Variants in NADK2 observed in about 807,000 individuals in gnomAD.
NADK2 encodes NAD kinase domain-containing protein 1, mitochondrial.
NADK2 carries 35 observed loss-of-function variants against 62.1 expected under a neutral mutation model. The observed-to-expected ratio is 0.56, with a 90% CI of 0.43 to 0.75. The LOEUF is 0.75. Among genes scored for constraint, NADK2 ranks in the 30% least tolerant of loss-of-function variants. The probability of loss-of-function intolerance (pLI) is 0.00; values close to 1 mark genes in which losing one functional copy is unlikely to be tolerated. For missense variants in NADK2, 439 were observed against 561.3 expected (o/e 0.78, Z 2.20); for synonymous variants, 205 against 207.9 (o/e 0.99, Z 0.12).
intron 11 of NADK2, among the ~76,000 whole-genome samples, chr5:36,196,418 G>A (rs532828527): frequency 6.6e-6 from 1 of 152,230 alleles, no homozygotes; most frequent in African/African-American, 2.4e-5. Context: ...TATTAGCCAT[G>A]TGAATATCAC....
At chr5:36,214,330 G>A (rs1380609139) in intron 6 of NADK2, among the ~76,000 whole-genome samples, 8 of 152,000 alleles carry the variant, frequency 5.3e-5, no homozygotes, top group South Asian at 2.1e-4. Context: ...ACAGGCATGC[G>A]CCACCACGCC....
In NADK2 at chr5:36,241,805, C is replaced by T; in HGVS notation, c.-7G>A. On this transcript the variant is annotated 5_prime_UTR_variant, in exon 1 of 12. Coordinates refer to ENST00000381937, the MANE Select transcript of NADK2 (RefSeq NM_001085411.3). The surrounding 1 kb of genome is among the most constrained non-coding windows in gnomAD (Gnocchi z 4.9). ...AGCCTCGGTAGCAAGTCATCGTGGG[C>T]CGGGCCGCGGCCGCGGGCTTGGGCT... is the stretch of plus-strand genomic sequence containing the variant. The T allele has an allele frequency of 3.0e-6, 4 of 1,315,816 alleles. No individual in the cohort carries two copies. The highest frequency in any genetic ancestry group is 3.9e-6 in the Non-Finnish European group (4 of 1,032,972). 81.5% of individuals were successfully genotyped at this position (1,315,816 alleles called of 1,614,324 possible). A position where few individuals can be genotyped will look rare whatever the true frequency, so the allele number is the denominator to read the frequency against.
rs191548215 is a variant in NADK2 at position 36,218,053 on chromosome 5, G to C, written c.645-169C>G. 1.4e-3 allele frequency: 761 copies of C among 555,338 alleles called. 6 individuals carry two copies. Among genetic ancestry groups the C allele is most frequent in the African/African-American group, 0.013 (690 of 53,504 alleles). The allele number at this position is 555,338 out of a possible 1,614,324, so 34.4% of individuals were successfully genotyped here. A position where few individuals can be genotyped will look rare whatever the true frequency, so the allele number is the denominator to read the frequency against. Reference sequence around the variant, plus strand: ...GCCTATAGCTTCCTTATCAATGACAGATTTGAATATTTATTCTCTTTTCAA... The same window carrying C: ...GCCTATAGCTTCCTTATCAATGACACATTTGAATATTTATTCTCTTTTCAA... On this transcript the variant is annotated intron_variant, in intron 5 of 11. Transcript: ENST00000381937.
intron 4 of NADK2, among the ~76,000 whole-genome samples, chr5:36,220,855 C>T (rs1561068286): frequency 6.6e-6 from 1 of 152,140 alleles, no homozygotes; most frequent in African/African-American, 2.4e-5. Context: ...TGGTGCTGGC[C>T]ATTGGCAGGA....
At chr5:36,204,395 T>G (rs1309651928) in intron 8 of NADK2, among the ~76,000 whole-genome samples, 1 of 152,148 alleles carries the variant, frequency 6.6e-6, no homozygotes, top group African/African-American at 2.4e-5. Flanking sequence ...ATTATACCAC[T>G]TTGCCTATTT....
chr5:36,238,643 G>A (rs1747995681), intron 1 of NADK2, among the ~76,000 whole-genome samples: 1 of 152,110 alleles, frequency 6.6e-6, no homozygotes, highest in Non-Finnish European at 1.5e-5. Flanking sequence ...AATAGCAATT[G>A]CACATTTGCC....
intron 7 of NADK2, 114 bp from the exon 8 acceptor site, chr5:36,207,379 G>A (rs1331406069): frequency 1.5e-6 from 1 of 679,426 alleles, no homozygotes; most frequent in East Asian, 2.6e-5. Flanking sequence ...AGAAATACTT[G>A]ACTTAGTAGG....
chr5:36,227,704 A>G, intron 1 of NADK2, 139 bp from the exon 2 acceptor site: 1 of 412,716 alleles, frequency 2.4e-6, no homozygotes, highest in South Asian at 9.9e-5. Context: ...ACCTACAAGT[A>G]CAAATTGAAC....
chr5:36,221,802 A>G (rs1328578216), intron 4 of NADK2: 1 of 152,248 alleles, frequency 6.6e-6, no homozygotes, highest in African/African-American at 2.4e-5. Context: ...TGATCACTAA[A>G]GTGATCTTTT....
intron 7 of NADK2, 141 bp from the exon 8 acceptor site, chr5:36,207,406 C>A: frequency 1.7e-6 from 1 of 579,932 alleles, no homozygotes. Context: ...CATCATGATG[C>A]TAATTCCAAT....
rs746263306 is a variant in NADK2, at chr5:36,241,655, C to T, written c.144G>A (p.Gly48=). The stretch of plus-strand genomic sequence containing the variant: ...CCGCCAGCTCGCGCGGCTGCCCCTG[C>T]CCCAGGTGCCGCCGGCCGCCACCGT... ...GGDGGGRRHL[G]QGQPRELAGC... The change falls in exon 1 of 12, where the codon GGG becomes GGA. Residue 48 remains glycine, a synonymous_variant. Coordinates refer to ENST00000381937, the MANE Select transcript of NADK2 (RefSeq NM_001085411.3). The surrounding 1 kb of genome is among the most constrained non-coding windows in gnomAD (Gnocchi z 4.9). 5 of 1,262,058 alleles carry T rather than the reference C, an allele frequency of 4.0e-6. No homozygotes were observed. The East Asian group carries it at 9.7e-5, about 24-fold the overall frequency. 78.2% of individuals were successfully genotyped at this position (1,262,058 alleles called of 1,614,324 possible).
rs181851773 is a variant in NADK2 at position 36,194,657 on chromosome 5, T to C, written c.*487A>G. The C allele has an allele frequency of 6.6e-6, 1 of 152,238 alleles. No homozygotes were observed. The highest frequency in any genetic ancestry group is 1.5e-5 in the Non-Finnish European group (1 of 68,094). 9.4% of individuals were successfully genotyped at this position (152,238 alleles called of 1,614,324 possible). On this transcript the variant is annotated 3_prime_UTR_variant, in exon 12 of 12. Coordinates refer to ENST00000381937, the MANE Select transcript of NADK2 (RefSeq NM_001085411.3). Reference sequence around the variant, plus strand: ...TACAAACATATTTACCTATGTCAATTAGGTCAATGTCAGGATTTATCAAAA... The same window carrying C: ...TACAAACATATTTACCTATGTCAATCAGGTCAATGTCAGGATTTATCAAAA...
chr5:36,233,526 T>C (rs1195063129), intron 1 of NADK2, among the ~76,000 whole-genome samples: 2 of 152,204 alleles, frequency 1.3e-5, no homozygotes, highest in South Asian at 4.1e-4. Flanking sequence ...TTTCAAATTG[T>C]CTTAAAGTGC....
At chr5:36,200,362 A>T (rs1444299904) in intron 9 of NADK2, 82 bp from the exon 10 acceptor site, 2 of 817,314 alleles carry the variant, frequency 2.4e-6, no homozygotes, top group Admixed American at 3.4e-5. Flanking sequence ...AAGGGGGAAA[A>T]ATGCTTAAAG....
intron 1 of NADK2, among the ~76,000 whole-genome samples, chr5:36,240,485 T>C (rs1169019716): frequency 1.3e-5 from 2 of 152,238 alleles, no homozygotes; most frequent in African/African-American, 4.8e-5. Context: ...ATCAGTTATG[T>C]GCAATTAATT....
chr5:36,202,685 C>T (rs892910752), intron 8 of NADK2, among the ~76,000 whole-genome samples: 1 of 152,070 alleles, frequency 6.6e-6, no homozygotes, highest in Admixed American at 6.6e-5. Context: ...AACAATACTT[C>T]AAAGCCTGGC....
At chr5:36,203,798 G>T (rs1186218928) in intron 8 of NADK2, among the ~76,000 whole-genome samples, 7 of 152,036 alleles carry the variant, frequency 4.6e-5, no homozygotes, top group African/African-American at 1.7e-4. Flanking sequence ...AAGCCCCATT[G>T]CCTCTAGCAG....
chr5:36,218,515 A>G (rs1747134259), intron 5 of NADK2, among the ~76,000 whole-genome samples: 3 of 152,190 alleles, frequency 2.0e-5, no homozygotes, highest in Admixed American at 1.3e-4. Flanking sequence ...GGTAGCTATA[A>G]ATTAGCCATT....
intron 1 of NADK2, among the ~76,000 whole-genome samples, chr5:36,238,651 G>A (rs1387089094): frequency 6.6e-6 from 1 of 152,112 alleles, no homozygotes; most frequent in Non-Finnish European, 1.5e-5. Context: ...TTGCACATTT[G>A]CCAACAGCTA....
Sources: gnomAD v4.1 joint callset for allele counts (sites outside exome capture counted in the v4.1 genomes callset) on GRCh38, gnomAD v4.1.1 for gene constraint, Gnocchi (gnomAD v3.1) non-coding constraint, MANE v1.5 for transcripts, NCBI Gene and HGNC (gene_info 2026-07-23, HGNC 2026-07-21) for gene names.